ARHGEF33: variants seen among roughly 807,000 people sequenced by gnomAD.
ARHGEF33 encodes Rho guanine nucleotide exchange factor 33.
ARHGEF33 carries 72 observed loss-of-function variants against 101.9 expected under a neutral mutation model. That is an observed-to-expected ratio of 0.71 (90% confidence interval 0.58 to 0.86). The LOEUF (loss-of-function observed/expected upper bound fraction) is 0.86. ARHGEF33 is among the 40% of genes least tolerant of loss of function. The pLI, the probability that ARHGEF33 is intolerant of heterozygous loss-of-function variation, is 0.00. For synonymous variants in ARHGEF33, 499 were observed against 442.5 expected, an observed-to-expected ratio of 1.13 and a Z score of -1.60; for missense variants, 1,169 against 1,111.3, an observed-to-expected ratio of 1.05 and a Z score of -0.74.
chr2:38,968,965 C>T (rs953946171), intron 17 of ARHGEF33, among the ~76,000 whole-genome samples: 4 of 152,142 alleles, frequency 2.6e-5, no homozygotes, highest in African/African-American at 9.7e-5. Flanking sequence ...GTCAGGGAGG[C>T]CCCAGTGTAG....
intron 2 of ARHGEF33, among the ~76,000 whole-genome samples, chr2:38,911,615 C>T (rs577536866): frequency 2.4e-4 from 37 of 152,300 alleles, no homozygotes; most frequent in Admixed American, 1.3e-3. Flanking sequence ...ATTAATTTTA[C>T]ACAAATATGG....
In ARHGEF33 at chr2:38,960,087, C is replaced by T; in HGVS notation, c.1782C>T (p.Ser594=). ...PAEPLGNVER[S]LRAPAELLPD... ...AGCCGCTGGGCAACGTGGAGCGCTCCCTGCGCGCCCCGGCCGAGCTCCTGC... is the reference window on the plus strand; with the variant it reads ...AGCCGCTGGGCAACGTGGAGCGCTCTCTGCGCGCCCCGGCCGAGCTCCTGC... Residue 594 remains serine, a synonymous_variant, in exon 16 of 18, where the codon TCC becomes TCT. Transcript: ENST00000409978. The T allele has an allele frequency of 1.3e-6, 2 of 1,541,826 alleles. No individual in the cohort carries two copies. The highest frequency in any genetic ancestry group is 1.2e-5 in the South Asian group (1 of 83,844).
intron 16 of ARHGEF33, among the ~76,000 whole-genome samples, chr2:38,962,590 A>AAAT (rs1400052795): frequency 3.3e-5 from 5 of 152,314 alleles, no homozygotes; most frequent in African/African-American, 9.6e-5. Context: ...TGAGATACCA[A>AAAT]GGAAATTGCA....
chr2:38,921,989 T>C (rs1666768141), intron 4 of ARHGEF33, among the ~76,000 whole-genome samples: 1 of 152,142 alleles, frequency 6.6e-6, no homozygotes, highest in African/African-American at 2.4e-5. Flanking sequence ...TTTTAAACAA[T>C]GGAAACAATT....
intron 15 of ARHGEF33, among the ~76,000 whole-genome samples, chr2:38,958,515 C>T (rs946664795): frequency 2.0e-5 from 3 of 152,162 alleles, no homozygotes; most frequent in African/African-American, 4.8e-5. Flanking sequence ...AGAGATTATA[C>T]CCAGACTCAA....
intron 9 of ARHGEF33, among the ~76,000 whole-genome samples, chr2:38,942,036 A>G (rs1388842359): frequency 6.7e-6 from 1 of 150,246 alleles, no homozygotes; most frequent in African/African-American, 2.5e-5. Context: ...TATTAATTTG[A>G]TAATATCTTC....
intron 7 of ARHGEF33, among the ~76,000 whole-genome samples, chr2:38,935,364 G>T (rs1469603246): frequency 6.6e-6 from 1 of 151,546 alleles, no homozygotes; most frequent in South Asian, 2.1e-4. Context: ...GGTTTTTTTG[G>T]GGGGAGGGGG....
intron 17 of ARHGEF33, chr2:38,972,925 C>T (rs1668197808): frequency 6.6e-6 from 1 of 152,158 alleles, no homozygotes; most frequent in African/African-American, 2.4e-5. Context: ...ACTAGTTTTA[C>T]CCATTCTAGG....
At chr2:38,918,722 T>G (rs947625853) in intron 2 of ARHGEF33, among the ~76,000 whole-genome samples, 21 of 152,112 alleles carry the variant, frequency 1.4e-4, no homozygotes, top group Non-Finnish European at 7.4e-5. Flanking sequence ...GGCCTTCATA[T>G]CTGCTTAAGT....
intron 7 of ARHGEF33, among the ~76,000 whole-genome samples, chr2:38,933,806 G>C (rs1199162211): frequency 6.6e-6 from 1 of 152,192 alleles, no homozygotes; most frequent in East Asian, 1.9e-4. Context: ...AAATGCTAAG[G>C]GGTGGGGATA....
At chr2:38,910,832 ATGGTACCTTAAAG>A (rs911837902) in intron 2 of ARHGEF33, among the ~76,000 whole-genome samples, 1 of 152,184 alleles carries the variant, frequency 6.6e-6, no homozygotes, top group Admixed American at 6.5e-5. Context: ...TTTAGTGACA[ATGGTACCTTAAAG>A]TGGTACCTTA....
At chr2:38,896,255 C>T (rs1666120325) in intron 2 of ARHGEF33, among the ~76,000 whole-genome samples, 1 of 152,334 alleles carries the variant, frequency 6.6e-6, no homozygotes, top group Non-Finnish European at 1.5e-5. Context: ...CCTCCTGCCT[C>T]AGCCTCCCGA....
Position 38,921,384 on chromosome 2 carries a change from AC to A in ARHGEF33, c.37del (p.His13IlefsTer4). The A allele has an allele frequency of 6.5e-7, 1 of 1,543,404 alleles. No individual in the cohort carries two copies. The highest frequency in any genetic ancestry group is 2.0e-5 in the Admixed American group (1 of 50,996). On this transcript the variant is annotated frameshift_variant, in exon 4 of 18. Coordinates refer to ENST00000409978, the MANE Select transcript of ARHGEF33 (RefSeq NM_001145451.5). LOFTEE classifies it high-confidence loss of function. ...TCTTTCTCCCTGCAGGAGAGAATGA[AC>A]ATATGCCGGTGAATAATCCTTCCAC... ...KTKTKQGENE[H>X]MPVNNPSTQI...
chr2:38,961,170 G>A (rs1558445096), intron 16 of ARHGEF33, among the ~76,000 whole-genome samples: 1 of 152,202 alleles, frequency 6.6e-6, no homozygotes, highest in African/African-American at 2.4e-5. Flanking sequence ...TAGGGAGGAG[G>A]CAAGTTGCCC....
intron 2 of ARHGEF33, among the ~76,000 whole-genome samples, chr2:38,916,795 TAA>T (rs1666643949): frequency 6.7e-6 from 1 of 150,366 alleles, no homozygotes; most frequent in Non-Finnish European, 1.5e-5. Context: ...TATTTTATAA[TAA>T]AGTCTTTTTT....
At chr2:38,972,187 G>C (rs1668181261) in intron 17 of ARHGEF33, among the ~76,000 whole-genome samples, 1 of 152,154 alleles carries the variant, frequency 6.6e-6, no homozygotes, top group Non-Finnish European at 1.5e-5. Flanking sequence ...GGAAGACATA[G>C]AGAAAGAATG....
intron 4 of ARHGEF33, among the ~76,000 whole-genome samples, chr2:38,928,526 T>C (rs1666922752): frequency 1.3e-5 from 2 of 152,226 alleles, no homozygotes; most frequent in Admixed American, 6.5e-5. Context: ...AGAGAGAATA[T>C]GACCCATTTT....
At chr2:38,894,333 A>T (rs983014834) in intron 1 of ARHGEF33, among the ~76,000 whole-genome samples, 5 of 67,744 alleles carry the variant, frequency 7.4e-5, no homozygotes, top group African/African-American at 2.0e-4. Context: ...ACCTGCCTTT[A>T]AAAAAAAAAA....
chr2:38,901,017 TTGAAGGC>T (rs1455386423), intron 2 of ARHGEF33, among the ~76,000 whole-genome samples: 2 of 152,096 alleles, frequency 1.3e-5, no homozygotes, highest in Non-Finnish European at 2.9e-5. Flanking sequence ...TCAGCCTTCT[TTGAAGGC>T]TGAAGGCTTT....
Sources: allele counts gnomAD v4.1 joint callset (sites outside exome capture counted in the v4.1 genomes callset), GRCh38; gene constraint gnomAD v4.1.1; transcripts MANE v1.5; gene names NCBI Gene and HGNC (gene_info 2026-07-23, HGNC 2026-07-21).